VPS13B: variants seen among roughly 807,000 people sequenced by gnomAD.
VPS13B encodes the protein intermembrane lipid transfer protein VPS13B.
Under a neutral mutation model 426.4 loss-of-function variants are expected in VPS13B, and 285 were observed. The observed-to-expected ratio is 0.67, with a 90% CI of 0.61 to 0.74. VPS13B has a LOEUF of 0.74. Ranked by LOEUF, VPS13B falls within the 30% of genes least tolerant of loss-of-function variation. The pLI, the probability that VPS13B is intolerant of heterozygous loss-of-function variation, is 0.00. For missense variants in VPS13B, 4,537 were observed against 4,782.6 expected (o/e 0.95, Z 1.51); for synonymous variants, 1,676 against 1,676.4 (o/e 1.00, Z 0.01).
At chr8:99,451,125 T>A (rs1482240120) in intron 23 of VPS13B, among the ~76,000 whole-genome samples, 1 of 152,116 alleles carries the variant, frequency 6.6e-6, no homozygotes, top group Admixed American at 6.5e-5. Flanking sequence ...AAAAATGACA[T>A]AAATTTGATT....
intron 17 of VPS13B, among the ~76,000 whole-genome samples, chr8:99,246,189 C>T (rs1456579312): frequency 1.3e-5 from 2 of 152,208 alleles, no homozygotes; most frequent in African/African-American, 2.4e-5. Context: ...ATATCAAAAT[C>T]GCTTTGCCTC....
intron 34 of VPS13B, among the ~76,000 whole-genome samples, chr8:99,649,745 A>G (rs1167238363): frequency 3.3e-5 from 5 of 152,128 alleles, no homozygotes; most frequent in African/African-American, 1.2e-4. Flanking sequence ...GATTTCCCCT[A>G]CACTCTTAAA....
rs1238865280 is a variant in VPS13B, at chr8:99,275,223, T to G, written c.2793T>G (p.Val931=). The change falls in exon 19 of 62, where the codon GTT becomes GTG. Residue 931 remains valine, a synonymous_variant. Coordinates refer to ENST00000357162, the MANE Select transcript of VPS13B (RefSeq NM_152564.5). ...APDLMAFTIQ[V]PQYIDYCHNS... The stretch of plus-strand genomic sequence containing the variant: ...ATTTGATGGCCTTCACAATCCAAGT[T>G]CCACAATATATTGACTACTGCCACA... The G allele has an allele frequency of 6.2e-7, 1 of 1,612,362 alleles. No homozygotes were observed. The highest frequency in any genetic ancestry group is 8.5e-7 in the Non-Finnish European group (1 of 1,179,320).
chr8:99,242,455 CTT>C (rs925378057), intron 17 of VPS13B, among the ~76,000 whole-genome samples: 2 of 152,074 alleles, frequency 1.3e-5, no homozygotes, highest in Non-Finnish European at 2.9e-5. Context: ...TTTATAACCT[CTT>C]TATTGTTTTG....
Position 99,853,987 on chromosome 8 carries a change from C to A in VPS13B, c.10598C>A (p.Ser3533Tyr). Residue 3533 changes from serine (S) to tyrosine (Y), a missense_variant, in exon 56 of 62, where the codon TCC (serine) becomes TAC (tyrosine). Around this residue, in one of 2 missense-constraint regions of VPS13B, gnomAD observed 4,311 missense variants for 4,474.3 expected, o/e 0.96. Transcript: ENST00000357162. Reference sequence around the variant, plus strand: ...CCTAACAGCAGGTTGGCTGGTCACTCCACACACCTCTCCGGGGGTAAACAG... The same window carrying A: ...CCTAACAGCAGGTTGGCTGGTCACTACACACACCTCTCCGGGGGTAAACAG... ...YLPNSRLAGH[S>Y]THLSGGKQVL... The A allele has an allele frequency of 6.2e-7, 1 of 1,614,206 alleles. No individual in the cohort carries two copies. The highest frequency in any genetic ancestry group is 8.5e-7 in the Non-Finnish European group (1 of 1,180,044).
chr8:99,207,021 A>G (rs1814769073), intron 17 of VPS13B, among the ~76,000 whole-genome samples: 2 of 152,186 alleles, frequency 1.3e-5, no homozygotes, highest in South Asian at 4.1e-4. Context: ...TGATATTTAA[A>G]TTGGAGTAAA....
Position 99,834,541 on chromosome 8 carries a change from T to TA in VPS13B, c.9615-656_9615-655insA, listed in dbSNP as rs1296560147. Among the ~76,000 whole-genome samples the TA allele has an allele frequency of 2.1e-4, 31 of 144,634 alleles. 1 individual carries two copies. Among genetic ancestry groups the TA allele is most frequent in the East Asian group, 1.4e-3 (7 of 4,984 alleles). 94.9% of individuals were successfully genotyped at this position (144,634 alleles called of 152,430 possible). A position where few individuals can be genotyped will look rare whatever the true frequency, so the allele number is the denominator to read the frequency against. On this transcript the variant is annotated intron_variant, in intron 52 of 61. Coordinates refer to ENST00000357162, the MANE Select transcript of VPS13B (RefSeq NM_152564.5). ...AAAGAAGGTCAGCTCTTATTTTTAT[T>TA]TTTTATTTTTTTTGATACAGGGTCT...
intron 33 of VPS13B, among the ~76,000 whole-genome samples, chr8:99,627,737 TG>T (rs1225798335): frequency 1.3e-5 from 2 of 152,198 alleles, no homozygotes. Context: ...ACCTCATAAA[TG>T]TATATAGTTA....
intron 43 of VPS13B, chr8:99,796,940 G>A (rs867363722): frequency 3.5e-4 from 54 of 152,202 alleles, no homozygotes; most frequent in South Asian, 4.1e-4. Flanking sequence ...CATCACTTCC[G>A]CTACATTCTG....
chr8:99,135,196 TG>T (rs1810011184), intron 10 of VPS13B, 59 bp downstream of exon 10: 1 of 1,604,302 alleles, frequency 6.2e-7, no homozygotes, highest in Non-Finnish European at 8.5e-7. Flanking sequence ...AAGTGCTTAC[TG>T]AAGTGTTTAA....
intron 38 of VPS13B, 143 bp downstream of exon 38, chr8:99,720,695 A>G (rs1055500414): frequency 4.3e-5 from 49 of 1,128,310 alleles, no homozygotes; most frequent in African/African-American, 2.2e-4. Context: ...TTATCATTCA[A>G]TCTCTCTTAG....
chr8:99,339,470 T>C (rs1014168679), intron 19 of VPS13B, among the ~76,000 whole-genome samples: 1 of 152,008 alleles, frequency 6.6e-6, no homozygotes, highest in Non-Finnish European at 1.5e-5. Flanking sequence ...ATGAGGACAG[T>C]ACACAGGGAG....
At chr8:99,740,697 C>T (rs577013784) in intron 39 of VPS13B, among the ~76,000 whole-genome samples, 2 of 152,188 alleles carry the variant, frequency 1.3e-5, no homozygotes, top group Admixed American at 1.3e-4. Flanking sequence ...GAATTTTGAA[C>T]CCAGAATTTC....
chr8:99,134,625 T>G lies in VPS13B; in HGVS notation c.1207-7T>G. On this transcript the variant is annotated splice_region_variant and splice_polypyrimidine_tract_variant and intron_variant, in intron 8 of 61. Coordinates refer to ENST00000357162, the MANE Select transcript of VPS13B (RefSeq NM_152564.5). ...TTTGATTTACTTAATATTCTTATAT[T>G]TCTTAGCTCACAGAAATGCAAGTTG... 6.3e-7 allele frequency: 1 copy of G among 1,587,308 alleles called. No individual in the cohort carries two copies. The highest frequency in any genetic ancestry group is 8.6e-7 in the Non-Finnish European group (1 of 1,160,070).
intron 55 of VPS13B, among the ~76,000 whole-genome samples, chr8:99,852,337 A>G (rs756627845): frequency 2.6e-5 from 4 of 152,228 alleles, no homozygotes; most frequent in Non-Finnish European, 5.9e-5. Flanking sequence ...TTTGGAAGCC[A>G]TCAACATATA....
intron 14 of VPS13B, 101 bp from the exon 15 acceptor site, chr8:99,156,448 A>G: frequency 1.8e-6 from 2 of 1,100,888 alleles, no homozygotes; most frequent in Admixed American, 1.8e-5. Context: ...GATTGATTTG[A>G]TATCACTGCA....
At chr8:99,756,331 GAAGA>G (rs1451817869) in intron 39 of VPS13B, among the ~76,000 whole-genome samples, 1 of 152,090 alleles carries the variant, frequency 6.6e-6, no homozygotes, top group African/African-American at 2.4e-5. Flanking sequence ...TTTAAAAAAT[GAAGA>G]AAAATGGACA....
intron 21 of VPS13B, among the ~76,000 whole-genome samples, chr8:99,408,944 C>T (rs540461880): frequency 6.6e-6 from 1 of 152,224 alleles, no homozygotes; most frequent in Admixed American, 6.5e-5. Context: ...TTTTCAGATT[C>T]CTCTAATAGT....
intron 16 of VPS13B, among the ~76,000 whole-genome samples, chr8:99,185,613 T>C (rs1338756797): frequency 6.6e-6 from 1 of 152,174 alleles, no homozygotes; most frequent in East Asian, 1.9e-4. Flanking sequence ...TATAAATCTT[T>C]AGATCCAGCT....
Sources: gnomAD v4.1 joint callset for allele counts (sites outside exome capture counted in the v4.1 genomes callset) on GRCh38, gnomAD v4.1.1 for gene constraint, gnomAD v4.1.1 regional missense constraint, MANE v1.5 for transcripts, NCBI Gene and HGNC (gene_info 2026-07-23, HGNC 2026-07-21) for gene names.